The following B3GALT1 variants were observed in gnomAD, a reference collection of about 807,000 sequenced individuals.
B3GALT1 encodes beta-1,3-galactosyltransferase 1.
Under a neutral mutation model 23.2 loss-of-function variants are expected in B3GALT1, and 10 were observed. The ratio of observed to expected loss-of-function variants is 0.43; its 90% CI spans 0.27 to 0.73. B3GALT1 has a LOEUF of 0.73. B3GALT1 is among the 30% of genes least tolerant of loss of function. The pLI is 0.21. For synonymous variants in B3GALT1, 156 were observed against 141.5 expected (o/e 1.10, Z -0.73); for missense variants, 299 against 405.4 (o/e 0.74, Z 2.25).
chr2:167,530,249 T>C (rs555781601), intron 2 of B3GALT1, among the ~76,000 whole-genome samples: 1 of 152,194 alleles, frequency 6.6e-6, no homozygotes, highest in Non-Finnish European at 1.5e-5. Context: ...AAAATAGCAC[T>C]CACATCTCCC....
intron 1 of B3GALT1, among the ~76,000 whole-genome samples, chr2:167,346,586 T>G (rs1427413651): frequency 1.3e-5 from 2 of 152,218 alleles, no homozygotes; most frequent in Non-Finnish European, 2.9e-5. Flanking sequence ...CAAGGCTTGA[T>G]GGAATAATGT....
At chr2:167,324,330 A>G (rs1413634050) in intron 1 of B3GALT1, among the ~76,000 whole-genome samples, 1 of 152,038 alleles carries the variant, frequency 6.6e-6, no homozygotes, top group Admixed American at 6.5e-5. Flanking sequence ...GAAAATCTGT[A>G]TCTTTGAAAT....
chr2:167,607,535 G>A lies in B3GALT1; in HGVS notation c.-409-39374G>A, dbSNP rs539692507. On this transcript the variant is annotated intron_variant, in intron 2 of 4. Coordinates refer to ENST00000392690, the MANE Select transcript of B3GALT1 (RefSeq NM_020981.4). ...TGTGTGAGTGTGTGCGTGTGTGTGT[G>A]CACAGGTGCACACACGTGCATACAC... Among the ~76,000 whole-genome samples the A allele has an allele frequency of 2.6e-5, 4 of 152,212 alleles. No homozygotes were observed. In the South Asian group the frequency reaches 8.3e-4, roughly 32 times the overall value.
At chr2:167,614,519 A>C (rs912154674) in intron 2 of B3GALT1, among the ~76,000 whole-genome samples, 4 of 151,970 alleles carry the variant, frequency 2.6e-5, no homozygotes, top group African/African-American at 7.2e-5. Context: ...AAGTTCTTAG[A>C]AAAAATGTTT....
chr2:167,694,103 A>G (rs1312490234), intron 3 of B3GALT1, among the ~76,000 whole-genome samples: 2 of 152,068 alleles, frequency 1.3e-5, no homozygotes, highest in East Asian at 1.9e-4. Flanking sequence ...AATCCCATTC[A>G]TGAGGGCTTT....
At chr2:167,772,828 C>T (rs1688095426) in intron 3 of B3GALT1, among the ~76,000 whole-genome samples, 1 of 152,170 alleles carries the variant, frequency 6.6e-6, no homozygotes, top group Non-Finnish European at 1.5e-5. Flanking sequence ...TTACTGACAC[C>T]TGTCAAAAGG....
chr2:167,420,314 G>A lies in B3GALT1; in HGVS notation c.-510-69863G>A, dbSNP rs554080838. Among the ~76,000 whole-genome samples the A allele has an allele frequency of 7.9e-5, 12 of 152,258 alleles. No individual in the cohort carries two copies. The South Asian group carries it at 2.3e-3, about 29-fold the overall frequency. On this transcript the variant is annotated intron_variant, in intron 1 of 4. Transcript: ENST00000392690. ...TCAGTGACATTCCACTTAAACTGGT[G>A]AAAAATGGATAGCAGCTGGATTGCT...
chr2:167,833,490 C>CA (rs1689393076), intron 4 of B3GALT1, among the ~76,000 whole-genome samples: 1 of 152,148 alleles, frequency 6.6e-6, no homozygotes, highest in South Asian at 2.1e-4. Context: ...AAAGATGTTT[C>CA]AGTGATAATG....
intron 3 of B3GALT1, among the ~76,000 whole-genome samples, chr2:167,755,770 C>G (rs893020942): frequency 6.6e-6 from 1 of 151,612 alleles, no homozygotes; most frequent in Non-Finnish European, 1.5e-5. Flanking sequence ...GAGTTTGAGA[C>G]CAGGCTGGGC....
chr2:167,653,810 T>TG (rs1354445930), intron 3 of B3GALT1, among the ~76,000 whole-genome samples: 4 of 152,182 alleles, frequency 2.6e-5, no homozygotes, highest in African/African-American at 9.6e-5. Flanking sequence ...GCCAGTGCCC[T>TG]GGTGGGAGTT....
chr2:167,832,467 TAAGTC>T (rs1689372387), intron 4 of B3GALT1, among the ~76,000 whole-genome samples: 1 of 152,074 alleles, frequency 6.6e-6, no homozygotes, highest in Admixed American at 6.5e-5. Flanking sequence ...GGGGACAAAA[TAAGTC>T]AATGCAGCAA....
intron 1 of B3GALT1, among the ~76,000 whole-genome samples, chr2:167,294,205 T>C (rs1378876588): frequency 6.6e-6 from 1 of 152,152 alleles, no homozygotes; most frequent in East Asian, 1.9e-4. Context: ...CCCGCTGACC[T>C]CCCAGGTTGA....
intron 3 of B3GALT1, among the ~76,000 whole-genome samples, chr2:167,756,907 A>G (rs1406250464): frequency 6.6e-6 from 1 of 152,150 alleles, no homozygotes; most frequent in Non-Finnish European, 1.5e-5. Context: ...AGAGGATGAA[A>G]TATCTCTTTT....
At chr2:167,801,359 T>A (rs1381637294) in intron 3 of B3GALT1, among the ~76,000 whole-genome samples, 2 of 152,250 alleles carry the variant, frequency 1.3e-5, no homozygotes, top group African/African-American at 4.8e-5. Context: ...TTTAAATAAT[T>A]CATTTCCTCC....
At chr2:167,669,888 C>A (rs939514709) in intron 3 of B3GALT1, among the ~76,000 whole-genome samples, 18 of 152,102 alleles carry the variant, frequency 1.2e-4, no homozygotes, top group African/African-American at 4.1e-4. Context: ...AGGGGATAAA[C>A]ACAGCTAAAT....
chr2:167,500,050 C>T (rs182341321), intron 2 of B3GALT1, among the ~76,000 whole-genome samples: 2 of 152,106 alleles, frequency 1.3e-5, no homozygotes, highest in Admixed American at 1.3e-4. Context: ...GCCTTTGTTC[C>T]TTTGAAAACA....
rs574557384 is a variant in B3GALT1, at chr2:167,339,497, T to C, written c.-511+46163T>C. ...ATCCAACATAATGAATAATTTGGAG[T>C]GAGAGACTTATGTACAAGGACCTTC... On this transcript the variant is annotated intron_variant, in intron 1 of 4. Coordinates refer to ENST00000392690, the MANE Select transcript of B3GALT1 (RefSeq NM_020981.4). Among the ~76,000 whole-genome samples the C allele has an allele frequency of 6.6e-5, 10 of 152,114 alleles. No homozygotes were observed. In the East Asian group the frequency reaches 1.9e-3, roughly 29 times the overall value.
chr2:167,444,318 C>G lies in B3GALT1; in HGVS notation c.-510-45859C>G, dbSNP rs190032710. 3.3e-5 allele frequency among the ~76,000 whole-genome samples: 5 copies of G among 152,214 alleles called. No individual in the cohort carries two copies. In the East Asian group the frequency reaches 9.7e-4, roughly 29 times the overall value. On this transcript the variant is annotated intron_variant, in intron 1 of 4. Coordinates refer to ENST00000392690, the MANE Select transcript of B3GALT1 (RefSeq NM_020981.4). ...ATTGATGGTCATCAGGGATATTGGC[C>G]TAAAATTCTCTTTTTTTGTTTTGTC...
At chr2:167,554,787 G>A (rs552893464) in intron 2 of B3GALT1, among the ~76,000 whole-genome samples, 1 of 152,180 alleles carries the variant, frequency 6.6e-6, no homozygotes. Context: ...CAAAATTAAC[G>A]TTTGGATTAC....
Sources: gnomAD v4.1 joint callset for allele counts (sites outside exome capture counted in the v4.1 genomes callset) on GRCh38, gnomAD v4.1.1 for gene constraint, MANE v1.5 for transcripts, NCBI Gene and HGNC (gene_info 2026-07-23, HGNC 2026-07-21) for gene names.